Variants in KIF9 observed in about 807,000 individuals in gnomAD.
The protein encoded by KIF9 is kinesin-like protein KIF9.
KIF9 carries 68 observed loss-of-function variants against 94.8 expected under a neutral mutation model. The observed-to-expected ratio is 0.72, with a 90% CI of 0.59 to 0.88. The LOEUF is 0.88. Among genes scored for constraint, KIF9 ranks in the 40% least tolerant of loss-of-function variants. The probability of loss-of-function intolerance (pLI) is 0.00; values close to 1 mark genes in which losing one functional copy is unlikely to be tolerated. For synonymous variants in KIF9, 343 were observed against 362.1 expected (o/e 0.95, Z 0.60); for missense variants, 882 against 982.5 (o/e 0.90, Z 1.37).
At chr3:47,245,869 G>A (rs1217750680) in intron 13 of KIF9, 2 of 473,212 alleles carry the variant, frequency 4.2e-6, no homozygotes, top group Non-Finnish European at 7.7e-6. Context: ...ACACCACCTA[G>A]CATAAGCTGC....
chr3:47,267,008 G>C lies in KIF9; in HGVS notation c.736C>G (p.Leu246Val). 6.2e-7 allele frequency: 1 copy of C among 1,613,888 alleles called. No homozygotes were observed. Among genetic ancestry groups the C allele is most frequent in the Non-Finnish European group, 8.5e-7 (1 of 1,179,978 alleles). ...TTCCCCAGCCTCTCTGAGCCTGCCA[G>C]ATCCACCAAGTTAATTTTGGAAGTG... ...YITSKINLVD[L>V]AGSERLGKSG... The change falls in exon 7 of 21, where the codon CTG becomes GTG. Residue 246 changes from leucine to valine, a missense_variant. Physicochemically the swap from Leu to Val is conservative, Grantham distance 32. Transcript: ENST00000684063.
chr3:47,271,168 AGAAAAG>A (rs1701622898), intron 5 of KIF9, 63 bp downstream of exon 5: 2 of 880,810 alleles, frequency 2.3e-6, no homozygotes, highest in Non-Finnish European at 3.5e-6. Flanking sequence ...AAAAAGAAAA[AGAAAAG>A]CTGAGAAGGA....
chr3:47,238,762 C>T (rs1699242694), intron 17 of KIF9, among the ~76,000 whole-genome samples: 1 of 151,842 alleles, frequency 6.6e-6, no homozygotes, highest in African/African-American at 2.4e-5. Context: ...CCGGGTTTTA[C>T]ACCATTCTCC....
intron 20 of KIF9, among the ~76,000 whole-genome samples, chr3:47,233,768 T>C (rs967524542): frequency 2.0e-5 from 3 of 150,246 alleles, no homozygotes; most frequent in Admixed American, 6.6e-5. Context: ...TCAGGATGTG[T>C]TGCTAAGTAG....
chr3:47,257,644 G>T, intron 9 of KIF9, 84 bp from the exon 10 acceptor site: 1 of 1,192,462 alleles, frequency 8.4e-7, no homozygotes, highest in Non-Finnish European at 1.2e-6. Flanking sequence ...GACCTTGCCT[G>T]CCCTTTCCTG....
intron 1 of KIF9, among the ~76,000 whole-genome samples, chr3:47,279,838 C>T (rs1384423554): frequency 6.6e-5 from 10 of 152,184 alleles, no homozygotes; most frequent in Non-Finnish European, 4.4e-5. Flanking sequence ...AGGATGGTCT[C>T]GATCTCCTGA....
At position 47,243,050 on chromosome 3, in the gene KIF9, C is replaced by T. The variant is rs763576487; in HGVS notation, c.1709+1G>A. The T allele has an allele frequency of 3.8e-6, 6 of 1,598,636 alleles. No homozygotes were observed. The Admixed American group carries it at 8.4e-5, about 22-fold the overall frequency. Reference sequence around the variant, plus strand: ...TGCAGAAGCTAACATTAGCTGATTACCTAATTGGGCGTAATTCCTCCTTCG... The same window carrying T: ...TGCAGAAGCTAACATTAGCTGATTATCTAATTGGGCGTAATTCCTCCTTCG... On this transcript the variant is annotated splice_donor_variant, in intron 16 of 20. Coordinates refer to ENST00000684063, the MANE Select transcript of KIF9 (RefSeq NM_182902.4). LOFTEE classifies it high-confidence loss of function.
intron 10 of KIF9, among the ~76,000 whole-genome samples, chr3:47,253,657 T>C (rs988934127): frequency 5.9e-5 from 9 of 152,222 alleles, no homozygotes; most frequent in Admixed American, 5.9e-4. Flanking sequence ...TGTTTTTATA[T>C]GTGGTGTAAA....
intron 5 of KIF9, among the ~76,000 whole-genome samples, chr3:47,270,040 T>C (rs1701541602): frequency 2.6e-5 from 4 of 151,974 alleles, no homozygotes; most frequent in African/African-American, 7.2e-5. Context: ...AGTGTTGGGA[T>C]TACAGGCATG....
intron 15 of KIF9, 66 bp from the exon 16 acceptor site, chr3:47,243,311 G>A: frequency 1.4e-6 from 2 of 1,389,154 alleles, no homozygotes; most frequent in South Asian, 2.8e-5. Context: ...GCCAGGATGA[G>A]TGACCTTTCT....
rs181578664 is a variant in KIF9, at chr3:47,245,086, G to A, written c.1381-162C>T. 34 of 893,040 alleles carry A rather than the reference G, an allele frequency of 3.8e-5. No homozygotes were observed. In the Admixed American group the frequency reaches 6.2e-4, roughly 16 times the overall value. The allele number at this position is 893,040 out of a possible 1,614,324, so 55.3% of individuals were successfully genotyped here. ...AGCCTCAGGCTGTCCCCTGTAGAGC[G>A]GTCCCTGACCACTCTGCCAAATGTC... On this transcript the variant is annotated intron_variant, in intron 14 of 20. Coordinates refer to ENST00000684063, the MANE Select transcript of KIF9 (RefSeq NM_182902.4).
At chr3:47,239,626 C>T (rs749220665) in intron 17 of KIF9, 164 of 1,049,466 alleles carry the variant, frequency 1.6e-4, no homozygotes, top group Non-Finnish European at 1.9e-4. Context: ...CTTCATCTGT[C>T]ACCCAGACTG....
intron 3 of KIF9, 119 bp downstream of exon 3, chr3:47,275,206 T>C (rs1239634221): frequency 3.8e-6 from 3 of 796,050 alleles, no homozygotes; most frequent in Non-Finnish European, 5.9e-6. Context: ...CGTAAGAACA[T>C]GGAGACAGAC....
intron 3 of KIF9, 90 bp downstream of exon 3, chr3:47,275,235 G>A (rs903538): frequency 0.98 from 956,776 of 974,284 alleles, 470,345 homozygotes; most frequent in East Asian, 1. Context: ...AAATGATAGT[G>A]AGTGAGCTTT....
intron 1 of KIF9, among the ~76,000 whole-genome samples, chr3:47,279,020 C>G (rs575999750): frequency 6.6e-6 from 1 of 151,606 alleles, no homozygotes; most frequent in African/African-American, 2.4e-5. Flanking sequence ...AATTACCAAG[C>G]ATGGTGGTGC....
chr3:47,236,984 C>A (rs1370773442), intron 17 of KIF9, among the ~76,000 whole-genome samples: 1 of 152,256 alleles, frequency 6.6e-6, no homozygotes, highest in African/African-American at 2.4e-5. Context: ...TAAATTACAT[C>A]TACAAACTGC....
At position 47,244,830 on chromosome 3, in the gene KIF9, T is replaced by C. The variant is rs115610071; in HGVS notation, c.1475A>G (p.Lys492Arg). Residue 492 changes from lysine to arginine, a missense_variant, in exon 15 of 21, where the codon AAG (lysine) becomes AGG (arginine). Physicochemically the swap from Lys to Arg is conservative, Grantham distance 26 (BLOSUM62 2). Transcript: ENST00000684063. Reference sequence around the variant, plus strand: ...GAATGTCTTCTTGGACTTGGCTTTCTTCCCAGGTTTGGTAGAGAAAGGGGC... The same window carrying C: ...GAATGTCTTCTTGGACTTGGCTTTCCTCCCAGGTTTGGTAGAGAAAGGGGC... ...GVAPFSTKPG[K>R]KAKSKKTFKE... 17,419 of 1,614,128 alleles carry C rather than the reference T, an allele frequency of 0.011. 127 individuals carry two copies. The highest frequency in any genetic ancestry group is 0.013 in the Non-Finnish European group (15,603 of 1,180,006).
chr3:47,260,420 T>A (rs980714028), intron 9 of KIF9, among the ~76,000 whole-genome samples: 12 of 152,168 alleles, frequency 7.9e-5, no homozygotes, highest in African/African-American at 2.9e-4. Context: ...ATACTTTGTA[T>A]CTGTGTCTTT....
At chr3:47,282,243 C>T (rs1456202872) in intron 1 of KIF9, 1 of 985,542 alleles carries the variant, frequency 1.0e-6, no homozygotes, top group Non-Finnish European at 1.2e-6. Context: ...TGCCTCACGG[C>T]CTCTATGTCC....
Sources: allele counts gnomAD v4.1 joint callset (sites outside exome capture counted in the v4.1 genomes callset), GRCh38; gene constraint gnomAD v4.1.1; transcripts MANE v1.5; gene names NCBI Gene and HGNC (gene_info 2026-07-23, HGNC 2026-07-21).